Variants in PRIM2 observed in about 807,000 individuals in gnomAD.
PRIM2 encodes DNA primase subunit 2.
A neutral mutation model predicts 67.3 loss-of-function variants in PRIM2; 39 were observed. The observed-to-expected ratio is 0.58, with a 90% CI of 0.45 to 0.76. The LOEUF (loss-of-function observed/expected upper bound fraction) is 0.76. Ranked by LOEUF, PRIM2 falls within the 30% of genes least tolerant of loss-of-function variation. PRIM2 has a pLI of 0.00. For synonymous variants in PRIM2, 143 were observed against 198.7 expected, an observed-to-expected ratio of 0.72 and a Z score of 2.36; for missense variants, 398 against 598.7, an observed-to-expected ratio of 0.66 and a Z score of 3.50.
intron 6 of PRIM2, 28 bp from the exon 7 acceptor site, chr6:57,382,003 T>A: frequency 6.3e-7 from 1 of 1,585,932 alleles, no homozygotes; most frequent in Non-Finnish European, 8.6e-7. Flanking sequence ...GGTGCTGACT[T>A]ATTTTGCCTG....
chr6:57,284,665 C>T, the PRIM2 span, among the ~76,000 whole-genome samples: 1 of 152,044 alleles, frequency 6.6e-6, no homozygotes, highest in Non-Finnish European at 1.5e-5. Flanking sequence ...CAAGACGTTC[C>T]ATAAAAGTAA....
intron 8 of PRIM2, among the ~76,000 whole-genome samples, chr6:57,508,602 T>A (rs1424685042): frequency 6.6e-6 from 1 of 152,216 alleles, no homozygotes; most frequent in African/African-American, 2.4e-5. Context: ...TATGTATATT[T>A]CTTTTTCAAA....
chr6:57,323,996 G>A (rs1328477604), intron 3 of PRIM2, among the ~76,000 whole-genome samples: 1 of 151,932 alleles, frequency 6.6e-6, no homozygotes, highest in Non-Finnish European at 1.5e-5. Context: ...GAGGCTGGAG[G>A]ATCACTTGAG....
At chr6:57,599,316 A>G (rs1427295799) in intron 10 of PRIM2, among the ~76,000 whole-genome samples, 1 of 144,616 alleles carries the variant, frequency 6.9e-6, no homozygotes, top group Non-Finnish European at 1.5e-5. Flanking sequence ...TATAGCCCAC[A>G]TTCTTTCCAT....
At chr6:57,493,552 T>G (rs1455734837) in intron 7 of PRIM2, among the ~76,000 whole-genome samples, 2 of 152,198 alleles carry the variant, frequency 1.3e-5, no homozygotes, top group African/African-American at 4.8e-5. Context: ...CAGGCACAAA[T>G]AGCAGAACAG....
chr6:57,470,817 G>A (rs1387261583), intron 7 of PRIM2, among the ~76,000 whole-genome samples: 1 of 151,944 alleles, frequency 6.6e-6, no homozygotes, highest in Non-Finnish European at 1.5e-5. Flanking sequence ...TTCTAGATTT[G>A]CATGAAAACC....
chr6:57,447,534 G>A (rs1772405709), intron 7 of PRIM2, among the ~76,000 whole-genome samples: 1 of 152,178 alleles, frequency 6.6e-6, no homozygotes, highest in Non-Finnish European at 1.5e-5. Context: ...AGCATGGGTA[G>A]GAAGGTGTGA....
intron 5 of PRIM2, among the ~76,000 whole-genome samples, chr6:57,365,369 C>T (rs1769322709): frequency 6.6e-6 from 1 of 151,132 alleles, no homozygotes; most frequent in African/African-American, 2.4e-5. Context: ...TGCCTTATTA[C>T]TGCTTGTTGG....
At chr6:57,587,038 T>TA (rs1249279309) in intron 10 of PRIM2, 1 of 152,232 alleles carries the variant, frequency 6.6e-6, no homozygotes, top group Non-Finnish European at 1.5e-5. Flanking sequence ...CCTGTGAAGA[T>TA]AATTTTACCT....
chr6:57,418,399 T>G lies in PRIM2; in HGVS notation c.693+36231T>G, dbSNP rs367820171. Among the ~76,000 whole-genome samples the G allele has an allele frequency of 3.4e-3, 427 of 124,650 alleles. 6 individuals are homozygous for G. Among genetic ancestry groups the G allele is most frequent in the Middle Eastern group, 7.9e-3 (2 of 254 alleles). 81.8% of individuals were successfully genotyped at this position (124,650 alleles called of 152,430 possible). A position where few individuals can be genotyped will look rare whatever the true frequency, so the allele number is the denominator to read the frequency against. ...ATGTGTGTGGTTTTTTTTTTTTTTT[T>G]TTTTTTTTTTTTTTTTTTAACAGAT... On this transcript the variant is annotated intron_variant, in intron 7 of 13. Transcript: ENST00000615550.
chr6:57,534,414 A>G (rs1477772229), intron 9 of PRIM2, among the ~76,000 whole-genome samples: 2 of 152,088 alleles, frequency 1.3e-5, no homozygotes, highest in Non-Finnish European at 2.9e-5. Context: ...ATCCAAGTTG[A>G]TAATTTATCC....
chr6:57,404,891 T>A (rs1284902719), intron 7 of PRIM2, among the ~76,000 whole-genome samples: 2 of 146,228 alleles, frequency 1.4e-5, no homozygotes, highest in African/African-American at 5.1e-5. Flanking sequence ...CCCCCTATAC[T>A]TTTTATAATA....
At chr6:57,387,882 G>A (rs995305602) in intron 7 of PRIM2, among the ~76,000 whole-genome samples, 4 of 151,100 alleles carry the variant, frequency 2.6e-5, no homozygotes, top group African/African-American at 9.7e-5. Flanking sequence ...TATTCTAGTG[G>A]GAGACAGACA....
intron 7 of PRIM2, among the ~76,000 whole-genome samples, chr6:57,442,010 G>A (rs1024790818): frequency 6.6e-6 from 1 of 152,038 alleles, no homozygotes; most frequent in African/African-American, 2.4e-5. Flanking sequence ...AGGACATAAT[G>A]TTTTCCTTTA....
the PRIM2 span, among the ~76,000 whole-genome samples, chr6:57,257,475 T>C: frequency 6.6e-6 from 1 of 152,208 alleles, no homozygotes; most frequent in Non-Finnish European, 1.5e-5. Flanking sequence ...TTCTCCATGT[T>C]GGTCAGGCTG....
At chr6:57,262,176 A>G in the PRIM2 span, among the ~76,000 whole-genome samples, 1 of 152,164 alleles carries the variant, frequency 6.6e-6, no homozygotes, top group African/African-American at 2.4e-5. Flanking sequence ...AGTCACTTAC[A>G]GAGTTACTGG....
chr6:57,642,867 A>G (rs1777271244), intron 13 of PRIM2, among the ~76,000 whole-genome samples: 1 of 152,220 alleles, frequency 6.6e-6, no homozygotes, highest in Admixed American at 6.5e-5. Context: ...TACCCATAAT[A>G]CAGCATCAGC....
intron 5 of PRIM2, among the ~76,000 whole-genome samples, chr6:57,339,083 C>T (rs1270579037): frequency 2.6e-5 from 4 of 151,940 alleles, no homozygotes; most frequent in Non-Finnish European, 5.9e-5. Flanking sequence ...AGAGCCAAAT[C>T]ACGAGTGAAC....
rs1020161283 is a variant in PRIM2, at chr6:57,334,242, A to AT, written c.459+8206dup. Among the ~76,000 whole-genome samples, 29 of 150,880 alleles carry AT rather than the reference A, an allele frequency of 1.9e-4. No individual in the cohort carries two copies. The East Asian group carries it at 2.1e-3, about 11-fold the overall frequency. On this transcript the variant is annotated intron_variant, in intron 5 of 13. Coordinates refer to ENST00000615550, the MANE Select transcript of PRIM2 (RefSeq NM_000947.5). ...TGGTGTTGCAAGTGGCAGGATTTTC[A>AT]TTTTTTTTTATGACTCAATATTATT...
Sources: allele counts gnomAD v4.1 joint callset (sites outside exome capture counted in the v4.1 genomes callset), GRCh38; gene constraint gnomAD v4.1.1; transcripts MANE v1.5; gene names NCBI Gene and HGNC (gene_info 2026-07-23, HGNC 2026-07-21).